Variants in RPS6KA5 observed in about 807,000 individuals in gnomAD.
The protein encoded by RPS6KA5 is ribosomal protein S6 kinase alpha-5.
In RPS6KA5, 27 loss-of-function variants were observed where a neutral mutation model predicts 85.5. That is an observed-to-expected ratio of 0.32 (90% confidence interval 0.23 to 0.44). The LOEUF is 0.44. RPS6KA5 is among the 20% of genes least tolerant of loss of function. The pLI, the probability that RPS6KA5 is intolerant of heterozygous loss-of-function variation, is 1.00. For missense variants in RPS6KA5, 811 were observed against 980.9 expected (o/e 0.83, Z 2.31); for synonymous variants, 334 against 348.2 (o/e 0.96, Z 0.46).
intron 1 of RPS6KA5, among the ~76,000 whole-genome samples, chr14:91,025,176 C>G (rs971853300): frequency 2.6e-5 from 4 of 152,166 alleles, no homozygotes; most frequent in South Asian, 2.1e-4. Context: ...CCCCGAGTAG[C>G]TGGGACTACA....
rs117691579 is a variant in RPS6KA5, at chr14:90,964,231, A to G, written c.394+14075T>C. ...AAGCTGTGTATAGCAATCAAGTCGC[A>G]TGGCTCCTGCACATACCGGCTATGT... On this transcript the variant is annotated intron_variant, in intron 3 of 16. Transcript: ENST00000614987. Among the ~76,000 whole-genome samples, 707 of 152,342 alleles carry G rather than the reference A, an allele frequency of 4.6e-3. 6 individuals are homozygous for G. The highest frequency in any genetic ancestry group is 8.0e-3 in the Admixed American group (122 of 15,304).
intron 3 of RPS6KA5, among the ~76,000 whole-genome samples, chr14:90,955,316 G>A (rs1048046048): frequency 2.6e-5 from 4 of 152,144 alleles, no homozygotes; most frequent in Non-Finnish European, 5.9e-5. Context: ...CACCCAGGCT[G>A]CAGTGCAGTG....
At chr14:90,930,439 G>A (rs1446501646) in intron 5 of RPS6KA5, among the ~76,000 whole-genome samples, 1 of 151,992 alleles carries the variant, frequency 6.6e-6, no homozygotes. Flanking sequence ...AAAAATCCTG[G>A]AAGAAAATAC....
intron 14 of RPS6KA5, among the ~76,000 whole-genome samples, chr14:90,884,386 C>T (rs907164197): frequency 7.2e-5 from 11 of 152,160 alleles, no homozygotes; most frequent in African/African-American, 2.7e-4. Context: ...GGGCACTTTG[C>T]ATTTTGAATT....
At chr14:90,956,985 T>TTTTTTC (rs1566790956) in intron 3 of RPS6KA5, among the ~76,000 whole-genome samples, 1 of 108,462 alleles carries the variant, frequency 9.2e-6, no homozygotes, top group Non-Finnish European at 1.8e-5. Flanking sequence ...TTTTTTTTTT[T>TTTTTTC]CCCAGTGAAT....
Position 90,978,289 on chromosome 14 carries a change from TA to T in RPS6KA5, c.394+16del. On this transcript the variant is annotated intron_variant, in intron 3 of 16. Transcript: ENST00000614987. ...AAAAGTGTTTTCATAAAAAGTCTGA[TA>T]ACAACTGACACTTACCTAAAATGAG... The T allele has an allele frequency of 6.4e-7, 1 of 1,570,690 alleles. No individual in the cohort carries two copies. The highest frequency in any genetic ancestry group is 8.6e-7 in the Non-Finnish European group (1 of 1,156,712).
intron 1 of RPS6KA5, among the ~76,000 whole-genome samples, chr14:91,019,761 G>C (rs1454409773): frequency 6.6e-6 from 1 of 152,096 alleles, no homozygotes; most frequent in Non-Finnish European, 1.5e-5. Context: ...TTTCATCTTA[G>C]GATATTTTCA....
At chr14:91,051,030 C>T (rs1312046850) in intron 1 of RPS6KA5, among the ~76,000 whole-genome samples, 1 of 151,930 alleles carries the variant, frequency 6.6e-6, no homozygotes, top group African/African-American at 2.4e-5. Context: ...GAGTTCCAGA[C>T]CAGCCTGGCC....
chr14:90,865,578 TG>T lies in RPS6KA5; in HGVS notation c.*6495del, dbSNP rs2032769795. 1 of 152,228 alleles carries T rather than the reference TG, an allele frequency of 6.6e-6. No individual in the cohort carries two copies. Among genetic ancestry groups the T allele is most frequent in the African/African-American group, 2.4e-5 (1 of 41,446 alleles). The allele number at this position is 152,228 out of a possible 1,614,324, so 9.4% of individuals were successfully genotyped here. On this transcript the variant is annotated 3_prime_UTR_variant, in exon 17 of 17. Transcript: ENST00000614987. ...TTTATTGAGCTGTATATTTCAGACC[TG>T]TGCACTTTACACACCATGTTGCAAT...
intron 5 of RPS6KA5, among the ~76,000 whole-genome samples, chr14:90,924,512 T>A (rs373405069): frequency 1.3e-5 from 2 of 152,218 alleles, no homozygotes; most frequent in East Asian, 1.9e-4. Flanking sequence ...AGTTCTACTA[T>A]GCTTATGGTT....
In RPS6KA5 at chr14:90,869,959, C is replaced by G. The variant is rs920778795; in HGVS notation, c.*2115G>C. Reference sequence around the variant, plus strand: ...CCTGTTAGTCTGACTGCCTTTTTACCCATTTCATCGCCTGTCGAATCCTCC... The same window carrying G: ...CCTGTTAGTCTGACTGCCTTTTTACGCATTTCATCGCCTGTCGAATCCTCC... On this transcript the variant is annotated 3_prime_UTR_variant, in exon 17 of 17. Transcript: ENST00000614987. 6.6e-6 allele frequency: 1 copy of G among 152,152 alleles called. No homozygotes were observed. The highest frequency in any genetic ancestry group is 2.4e-5 in the African/African-American group (1 of 41,448). 9.4% of individuals were successfully genotyped at this position (152,152 alleles called of 1,614,324 possible). A position where few individuals can be genotyped will look rare whatever the true frequency, so the allele number is the denominator to read the frequency against.
chr14:91,029,069 T>C (rs920900819), intron 1 of RPS6KA5, among the ~76,000 whole-genome samples: 15 of 152,310 alleles, frequency 9.8e-5, no homozygotes, highest in African/African-American at 3.6e-4. Context: ...ATCTATAATA[T>C]CTGGATGATA....
intron 3 of RPS6KA5, among the ~76,000 whole-genome samples, chr14:90,974,962 T>C (rs199644168): frequency 2.0e-5 from 3 of 152,142 alleles, no homozygotes; most frequent in Non-Finnish European, 2.9e-5. Context: ...AACGGAAAGA[T>C]CTGCTTACAA....
At position 90,972,903 on chromosome 14, in the gene RPS6KA5, C is replaced by A. The variant is rs537044694; in HGVS notation, c.394+5403G>T. 3.3e-5 allele frequency among the ~76,000 whole-genome samples: 5 copies of A among 152,102 alleles called. No individual in the cohort carries two copies. In the South Asian group the frequency reaches 1.0e-3, roughly 32 times the overall value. Reference sequence around the variant, plus strand: ...AGAGGAAAAAAAGAGGCAAAGGGTACAAATAGATAATTCTCAGAAAAAATA... The same window carrying A: ...AGAGGAAAAAAAGAGGCAAAGGGTAAAAATAGATAATTCTCAGAAAAAATA... On this transcript the variant is annotated intron_variant, in intron 3 of 16. Transcript: ENST00000614987.
chr14:90,912,843 C>T (rs1386968899), intron 7 of RPS6KA5, among the ~76,000 whole-genome samples: 1 of 150,076 alleles, frequency 6.7e-6, no homozygotes, highest in Non-Finnish European at 1.5e-5. Context: ...CTCTGGGAGT[C>T]GTCCCCAGGG....
chr14:90,917,066 G>A (rs180674883), intron 7 of RPS6KA5, among the ~76,000 whole-genome samples: 1 of 152,204 alleles, frequency 6.6e-6, no homozygotes, highest in Admixed American at 6.5e-5. Flanking sequence ...AGGCTAAGGC[G>A]ACCCTTAGTA....
In RPS6KA5 at chr14:91,054,716, C is replaced by T. The variant is rs1444890890; in HGVS notation, c.103+5616G>A. ...CTACAATCCCAACACTTTGGGAGGC[C>T]GAGGAGGGAGAATCACTTAAGCCCA... On this transcript the variant is annotated intron_variant, in intron 1 of 16. Coordinates refer to ENST00000614987, the MANE Select transcript of RPS6KA5 (RefSeq NM_004755.4). 4.6e-5 allele frequency among the ~76,000 whole-genome samples: 7 copies of T among 151,570 alleles called. No homozygotes were observed. The South Asian group carries it at 1.3e-3, about 27-fold the overall frequency.
rs2140122571 is a variant in RPS6KA5 at position 90,867,155 on chromosome 14, A to C, written c.*4919T>G. 6.6e-6 allele frequency: 1 copy of C among 152,340 alleles called. No homozygotes were observed. Among genetic ancestry groups the C allele is most frequent in the East Asian group, 1.9e-4 (1 of 5,190 alleles). The allele number at this position is 152,340 out of a possible 1,614,324, so 9.4% of individuals were successfully genotyped here. On this transcript the variant is annotated 3_prime_UTR_variant, in exon 17 of 17. Transcript: ENST00000614987. Reference sequence around the variant, plus strand: ...CAAACAAAAGAAACAAGGATTTTCTAATCTATCTATAAGCAGAAATGTCAG... The same window carrying C: ...CAAACAAAAGAAACAAGGATTTTCTCATCTATCTATAAGCAGAAATGTCAG...
At position 90,848,802 on chromosome 14, in the gene RPS6KA5, A is replaced by G. The variant is rs1398719185; in HGVS notation, c.*23272T>C. On this transcript the variant is annotated 3_prime_UTR_variant, in exon 17 of 17. Coordinates refer to ENST00000614987, the MANE Select transcript of RPS6KA5 (RefSeq NM_004755.4). ...TCCAAATTGATGTTTACACCAAAAT[A>G]AGAAGAAATCATCTACTCCCAAAGC... The G allele has an allele frequency of 6.6e-6, 1 of 152,190 alleles. No individual in the cohort carries two copies. Among genetic ancestry groups the G allele is most frequent in the African/African-American group, 2.4e-5 (1 of 41,446 alleles). The allele number at this position is 152,190 out of a possible 1,614,324, so 9.4% of individuals were successfully genotyped here.
Sources: allele counts gnomAD v4.1 joint callset (sites outside exome capture counted in the v4.1 genomes callset), GRCh38; gene constraint gnomAD v4.1.1; transcripts MANE v1.5; gene names NCBI Gene and HGNC (gene_info 2026-07-23, HGNC 2026-07-21).